Variants in MYH11 observed in about 807,000 individuals in gnomAD.
MYH11 encodes the protein myosin heavy chain 11.
A neutral mutation model predicts 246.6 loss-of-function variants in MYH11; 80 were observed. That is an observed-to-expected ratio of 0.32 (90% CI 0.27 to 0.39). The LOEUF (loss-of-function observed/expected upper bound fraction) is 0.39, where lower values mean the gene tolerates loss of function less well. MYH11 is among the 10% of genes least tolerant of loss of function. MYH11 has a pLI of 1.00. For synonymous variants in MYH11, 1,071 were observed against 1,015.5 expected (o/e 1.05, Z -1.04); for missense variants, 2,158 against 2,546.8 (o/e 0.85, Z 3.29).
intron 1 of MYH11, among the ~76,000 whole-genome samples, chr16:15,851,299 AT>A (rs1429226097): frequency 6.6e-6 from 1 of 152,158 alleles, no homozygotes; most frequent in African/African-American, 2.4e-5. Flanking sequence ...TCTATTATTC[AT>A]AACAGCCACT....
intron 4 of MYH11, among the ~76,000 whole-genome samples, chr16:15,790,588 A>C (rs2042585591): frequency 6.6e-6 from 1 of 152,204 alleles, no homozygotes; most frequent in South Asian, 2.1e-4. Context: ...AGAAACATTC[A>C]TAGCTTGGCT....
Position 15,788,077 on chromosome 16 carries a change from C to CTTTTTTTTTTTTTTTTTTTTTTTTTTT in MYH11, c.531-1346_531-1345insAAAAAAAAAAAAAAAAAAAAAAAAAAA, listed in dbSNP as rs1555569336. Among the ~76,000 whole-genome samples, 75 of 55,348 alleles carry CTTTTTTTTTTTTTTTTTTTTTTTTTTT rather than the reference C, an allele frequency of 1.4e-3. 10 individuals carry two copies. The highest frequency in any genetic ancestry group is 1.8e-3 in the Non-Finnish European group (50 of 27,342). 36.3% of individuals were successfully genotyped at this position (55,348 alleles called of 152,430 possible). On this transcript the variant is annotated intron_variant, in intron 4 of 40. Transcript: ENST00000300036. ...GTCCTCCTGGAATATGAAGGTAGAT[C>CTTTTTTTTTTTTTTTTTTTTTTTTTTT]TTTTTTTTTTTTTTTTTTACCAAGA...
chr16:15,843,433 G>A (rs1255222430), intron 1 of MYH11, among the ~76,000 whole-genome samples: 2 of 151,638 alleles, frequency 1.3e-5, no homozygotes, highest in Non-Finnish European at 2.9e-5. Flanking sequence ...GCTCACACCT[G>A]TAATCCCAGC....
At chr16:15,716,817 T>C (rs993157900) in intron 38 of MYH11, among the ~76,000 whole-genome samples, 16 of 152,252 alleles carry the variant, frequency 1.1e-4, no homozygotes, top group Admixed American at 5.2e-4. Flanking sequence ...TCCAGCCTGG[T>C]TGGATTTTTG....
intron 13 of MYH11, among the ~76,000 whole-genome samples, chr16:15,757,150 G>A (rs1244008534): frequency 2.0e-5 from 3 of 151,388 alleles, no homozygotes; most frequent in African/African-American, 7.3e-5. Flanking sequence ...TTCACCTAGG[G>A]TTCCTGTTAG....
At chr16:15,786,870 T>C (rs2151307561) in intron 4 of MYH11, 138 bp from the exon 5 acceptor site, 7 of 844,562 alleles carry the variant, frequency 8.3e-6, no homozygotes, top group Non-Finnish European at 1.4e-5. Flanking sequence ...GGGAAGTAAC[T>C]TGCCCAAGGC....
chr16:15,820,707 C>T (rs1035281704), intron 3 of MYH11, among the ~76,000 whole-genome samples: 4 of 152,258 alleles, frequency 2.6e-5, no homozygotes, highest in African/African-American at 7.2e-5. Flanking sequence ...TTTATGCTCA[C>T]ATGATTTCAT....
intron 26 of MYH11, 111 bp downstream of exon 26, chr16:15,735,255 G>A: frequency 8.4e-7 from 1 of 1,183,616 alleles, no homozygotes; most frequent in Non-Finnish European, 1.3e-6. Context: ...CGGCCAGGAA[G>A]GTAAATGCAC....
intron 12 of MYH11, among the ~76,000 whole-genome samples, chr16:15,759,217 T>A (rs914774214): frequency 7.1e-5 from 10 of 141,568 alleles, no homozygotes; most frequent in South Asian, 2.2e-4. Context: ...TTTTTTTTTT[T>A]ACCAGGATTA....
chr16:15,833,672 G>A (rs911795981), intron 2 of MYH11, among the ~76,000 whole-genome samples: 1 of 152,120 alleles, frequency 6.6e-6, no homozygotes, highest in African/African-American at 2.4e-5. Flanking sequence ...CCTTCTCAAG[G>A]GCACATCGTT....
chr16:15,727,001 G>A lies in MYH11; in HGVS notation c.3705C>T (p.Asp1235=). The change falls in exon 28 of 41, where the codon GAC becomes GAT. Residue 1235 remains aspartate (D), a synonymous_variant. Transcript: ENST00000300036. ...NKQTLEKENA[D]LAGELRVLGQ... is the part of the protein sequence containing the mutation. ...CCAGGACCCGCAGCTCCCCGGCCAG[G>A]TCTGCGTTCTCTTTCTCCAGCGTCT... 6.2e-7 allele frequency: 1 copy of A among 1,611,990 alleles called. No homozygotes were observed. The highest frequency in any genetic ancestry group is 8.5e-7 in the Non-Finnish European group (1 of 1,178,916).
At position 15,828,094 on chromosome 16, in the gene MYH11, TG is replaced by T. The variant is rs560555777; in HGVS notation, c.346-4684del. Among the ~76,000 whole-genome samples, 257 of 152,130 alleles carry T rather than the reference TG, an allele frequency of 1.7e-3. 1 individual carries two copies. Among genetic ancestry groups the T allele is most frequent in the African/African-American group, 6.0e-3 (249 of 41,556 alleles). Reference sequence around the variant, plus strand: ...GTGGCTAAGGGCTCAGAACTGGGTATGGGGTACTTGAATTTGAACCTTCACT... The same window carrying T: ...GTGGCTAAGGGCTCAGAACTGGGTATGGGTACTTGAATTTGAACCTTCACT... On this transcript the variant is annotated intron_variant, in intron 2 of 40. Coordinates refer to ENST00000300036, the MANE Select transcript of MYH11 (RefSeq NM_002474.3).
At chr16:15,752,167 A>C (rs1596780794) in intron 15 of MYH11, among the ~76,000 whole-genome samples, 1 of 152,140 alleles carries the variant, frequency 6.6e-6, no homozygotes, top group South Asian at 2.1e-4. Context: ...AGGAGGGACT[A>C]CAGGCTTCAT....
intron 37 of MYH11, 173 bp from the exon 38 acceptor site, chr16:15,717,521 G>A (rs1006957583): frequency 9.0e-5 from 60 of 668,224 alleles, no homozygotes; most frequent in African/African-American, 2.0e-4. Context: ...CAGGCCGGGC[G>A]TGGTGGCGCA....
chr16:15,806,769 A>AGGTCAAGGGCTGTGCCTGATCCCG (rs71134464), intron 3 of MYH11, among the ~76,000 whole-genome samples: 36,561 of 151,770 alleles, frequency 0.24, 5,319 homozygotes, highest in African/African-American at 0.41. Context: ...GAGCTCCTGA[A>AGGTCAAGGGCTGTGCCTGATCCCG]GGTACAAGGA....
At chr16:15,845,710 G>C (rs893654399) in intron 1 of MYH11, among the ~76,000 whole-genome samples, 4 of 151,376 alleles carry the variant, frequency 2.6e-5, no homozygotes, top group Admixed American at 6.6e-5. Context: ...GTGTGTGTGA[G>C]AGAGAGAGAG....
chr16:15,795,377 G>A (rs757151417), intron 4 of MYH11, among the ~76,000 whole-genome samples: 7 of 152,122 alleles, frequency 4.6e-5, no homozygotes, highest in Non-Finnish European at 1.0e-4. Context: ...TTGGGAGGCC[G>A]AGGCTCCCCG....
rs1258914614 is a variant in MYH11, at chr16:15,791,856, T to C, written c.531-5124A>G. Reference sequence around the variant, plus strand: ...AGCTGGCTGATTTTTAAATTTTCTGTAGAGACAGGGGTCTCGCTATGTTGC... The same window carrying C: ...AGCTGGCTGATTTTTAAATTTTCTGCAGAGACAGGGGTCTCGCTATGTTGC... On this transcript the variant is annotated intron_variant, in intron 4 of 40. Transcript: ENST00000300036. 3 of 152,042 alleles carry C rather than the reference T, an allele frequency of 2.0e-5. No homozygotes were observed. In the East Asian group the frequency reaches 5.8e-4, roughly 30 times the overall value. 9.4% of individuals were successfully genotyped at this position (152,042 alleles called of 1,614,324 possible).
chr16:15,753,627 G>T (rs371583960), intron 14 of MYH11, 119 bp from the exon 15 acceptor site: 8 of 792,176 alleles, frequency 1.0e-5, no homozygotes, highest in Admixed American at 2.0e-5. Flanking sequence ...AGGAAATGAC[G>T]TTTATGACCA....
Sources: gnomAD v4.1 joint callset for allele counts (sites outside exome capture counted in the v4.1 genomes callset) on GRCh38, gnomAD v4.1.1 for gene constraint, MANE v1.5 for transcripts, NCBI Gene and HGNC (gene_info 2026-07-23, HGNC 2026-07-21) for gene names.